CEP192: variants seen among roughly 807,000 people sequenced by gnomAD.
The protein encoded by CEP192 is centrosomal protein of 192 kDa.
CEP192 carries 151 observed loss-of-function variants against 271.8 expected under a neutral mutation model. That is an observed-to-expected ratio of 0.56 (90% CI 0.49 to 0.64). The LOEUF is 0.64. CEP192 is among the 30% of genes least tolerant of loss of function. The pLI, the probability that CEP192 is intolerant of heterozygous loss-of-function variation, is 0.00. For synonymous variants in CEP192, 995 were observed against 1,076.5 expected (o/e 0.92, Z 1.48); for missense variants, 2,910 against 3,020.5 (o/e 0.96, Z 0.86).
intron 36 of CEP192, among the ~76,000 whole-genome samples, chr18:13,097,717 C>T (rs1021049074): frequency 1.4e-5 from 2 of 143,248 alleles, no homozygotes; most frequent in African/African-American, 5.2e-5. Context: ...GGTCATAGGA[C>T]AATAGTGGAG....
At chr18:13,062,519 C>G (rs2037461821) in intron 21 of CEP192, among the ~76,000 whole-genome samples, 1 of 129,308 alleles carries the variant, frequency 7.7e-6, no homozygotes, top group East Asian at 2.2e-4. Flanking sequence ...ACATTTGGTA[C>G]TGTTAGATTT....
intron 21 of CEP192, among the ~76,000 whole-genome samples, chr18:13,059,818 A>G (rs961893693): frequency 7.2e-5 from 11 of 152,278 alleles, no homozygotes; most frequent in Middle Eastern, 3.4e-3. Flanking sequence ...ATGTACCCCA[A>G]TACCTGAGTC....
At chr18:13,056,964 T>TC (rs1164087469) in intron 19 of CEP192, among the ~76,000 whole-genome samples, 1 of 152,174 alleles carries the variant, frequency 6.6e-6, no homozygotes, top group East Asian at 1.9e-4. Context: ...TGTGATTATT[T>TC]CCCCTAGGAA....
chr18:13,003,608 G>A (rs558036503), intron 3 of CEP192, among the ~76,000 whole-genome samples: 6 of 152,240 alleles, frequency 3.9e-5, no homozygotes, highest in African/African-American at 1.4e-4. Flanking sequence ...AGAGCACCAG[G>A]GAGGCTGGGG....
At chr18:12,993,060 A>G (rs538481466) in intron 1 of CEP192, among the ~76,000 whole-genome samples, 1 of 152,320 alleles carries the variant, frequency 6.6e-6, no homozygotes, top group South Asian at 2.1e-4. Flanking sequence ...GACTCGTGTG[A>G]TAGTTCAGAA....
In CEP192 at chr18:13,017,194, A is replaced by T. The variant is rs766430917; in HGVS notation, c.647A>T (p.Asp216Val). ...PTSLEDSSDD[D>V]IDDEMFYDDH... ...TTCTCGATTTTATCAATAGATGATGATATTGATGATGAAATGTTTTATGAT... is the reference window on the plus strand; with the variant it reads ...TTCTCGATTTTATCAATAGATGATGTTATTGATGATGAAATGTTTTATGAT... The change falls in exon 7 of 45, where the codon GAT (aspartate) becomes GTT (valine). Residue 216 changes from aspartate to valine, a missense_variant. By Grantham distance (152) the Asp-to-Val change is radical. Coordinates refer to ENST00000506447, the MANE Select transcript of CEP192 (RefSeq NM_032142.4). The T allele has an allele frequency of 6.5e-7, 1 of 1,541,332 alleles. No homozygotes were observed. The highest frequency in any genetic ancestry group is 8.7e-7 in the Non-Finnish European group (1 of 1,143,276).
In CEP192 at chr18:13,068,111, C is replaced by T. The variant is rs1598499728; in HGVS notation, c.4632C>T (p.Arg1544=). The T allele has an allele frequency of 1.2e-6, 2 of 1,614,224 alleles. No homozygotes were observed. Among genetic ancestry groups the T allele is most frequent in the East Asian group, 2.2e-5 (1 of 44,890 alleles). The part of the protein sequence containing the change: ...LIINANAVAW[R]CFTFSKESVR... Reference sequence around the variant, plus strand: ...CTAAACAGAACGCTGTAGCCTGGCGCTGTTTCACGTTTTCCAAGGAATCCG... The same window carrying T: ...CTAAACAGAACGCTGTAGCCTGGCGTTGTTTCACGTTTTCCAAGGAATCCG... Residue 1544 remains arginine, a synonymous_variant, in exon 23 of 45, where the codon CGC becomes CGT. Transcript: ENST00000506447.
intron 40 of CEP192, among the ~76,000 whole-genome samples, chr18:13,110,641 A>C (rs1313259218): frequency 6.6e-6 from 1 of 152,196 alleles, no homozygotes. Flanking sequence ...CATTATTAAC[A>C]AGGCAAAGTC....
At chr18:13,096,382 T>A in intron 36 of CEP192, 75 bp downstream of exon 36, 1 of 1,563,360 alleles carries the variant, frequency 6.4e-7, no homozygotes, top group East Asian at 2.3e-5. Context: ...TCAAATAATA[T>A]GTCATTGTAG....
In CEP192 at chr18:13,116,430, T is replaced by G; in HGVS notation, c.7343T>G (p.Phe2448Cys). The change falls in exon 43 of 45, where the codon TTC becomes TGC. Residue 2448 changes from phenylalanine to cysteine, a missense_variant. Physicochemically the swap from Phe to Cys is radical, Grantham distance 205. Transcript: ENST00000506447. Reference sequence around the variant, plus strand: ...TATGCCCCAGAGGATGTGTACAGGTTCCGGCCGACTAGTGTGGGGGAATCA... The same window carrying G: ...TATGCCCCAGAGGATGTGTACAGGTGCCGGCCGACTAGTGTGGGGGAATCA... Reference protein sequence around the residue: ...GVYAPEDVYRFRPTSVGESRT... With the variant: ...GVYAPEDVYRCRPTSVGESRT... The G allele has an allele frequency of 6.2e-7, 1 of 1,612,956 alleles. No homozygotes were observed. The highest frequency in any genetic ancestry group is 8.5e-7 in the Non-Finnish European group (1 of 1,179,632).
chr18:13,089,079 CATAGTT>C (rs1398040063), intron 32 of CEP192, among the ~76,000 whole-genome samples: 1 of 152,118 alleles, frequency 6.6e-6, no homozygotes, highest in East Asian at 1.9e-4. Flanking sequence ...GCCAGATAAA[CATAGTT>C]ATATGGTAAT....
At position 13,029,989 on chromosome 18, in the gene CEP192, A is replaced by C. The variant is rs762414067; in HGVS notation, c.1377A>C (p.Glu459Asp). Residue 459 changes from glutamate to aspartate, a missense_variant, in exon 10 of 45, where the codon GAA becomes GAC. Transcript: ENST00000506447. Reference sequence around the variant, plus strand: ...CATGTGAATGTCACGAGTCCATCGAAAAGAATAAAGACAGTAAGTGGACTT... The same window carrying C: ...CATGTGAATGTCACGAGTCCATCGACAAGAATAAAGACAGTAAGTGGACTT... ...RRTCECHESI[E>D]KNKDKTDLPQ... 29 of 1,548,772 alleles carry C rather than the reference A, an allele frequency of 1.9e-5. No individual in the cohort carries two copies. The highest frequency in any genetic ancestry group is 2.3e-5 in the Non-Finnish European group (26 of 1,144,718).
intron 30 of CEP192, 82 bp from the exon 31 acceptor site, chr18:13,086,935 C>T: frequency 1.0e-6 from 1 of 977,116 alleles, no homozygotes; most frequent in East Asian, 2.5e-5. Context: ...TTAAATCTTT[C>T]TGAATTTTCT....
At chr18:13,077,449 C>G (rs1004169257) in intron 30 of CEP192, among the ~76,000 whole-genome samples, 8 of 152,280 alleles carry the variant, frequency 5.3e-5, no homozygotes, top group African/African-American at 9.6e-5. Context: ...ATAAGGGATA[C>G]TCAACATGTA....
rs755894964 is a variant in CEP192 at position 13,056,178 on chromosome 18, T to C, written c.3588T>C (p.Asp1196=). The change falls in exon 19 of 45, where the codon GAT becomes GAC. Residue 1196 remains aspartate, a synonymous_variant. Coordinates refer to ENST00000506447, the MANE Select transcript of CEP192 (RefSeq NM_032142.4). ...CCTGCCAGGAGCCTATAGATGAAGATCAAAGAATAAGTCCTAAAGATAAGT... is the reference window on the plus strand; with the variant it reads ...CCTGCCAGGAGCCTATAGATGAAGACCAAAGAATAAGTCCTAAAGATAAGT... The part of the protein sequence containing the change: ...PVSCQEPIDE[D]QRISPKDKST... 6.2e-7 allele frequency: 1 copy of C among 1,613,964 alleles called. No homozygotes were observed. The highest frequency in any genetic ancestry group is 1.1e-5 in the South Asian group (1 of 91,044).
At chr18:13,110,445 T>A (rs1431417382) in intron 40 of CEP192, among the ~76,000 whole-genome samples, 3 of 149,952 alleles carry the variant, frequency 2.0e-5, no homozygotes, top group Admixed American at 6.6e-5. Context: ...TTTTTTTTTT[T>A]AATAAGGGCA....
At chr18:13,004,667 A>G (rs2033869236) in intron 3 of CEP192, among the ~76,000 whole-genome samples, 2 of 152,132 alleles carry the variant, frequency 1.3e-5, no homozygotes, top group Non-Finnish European at 2.9e-5. Context: ...AAAAGGATGT[A>G]AAATTATCAC....
chr18:13,100,755 C>T (rs1172716266), intron 38 of CEP192, among the ~76,000 whole-genome samples: 1 of 152,150 alleles, frequency 6.6e-6, no homozygotes, highest in Non-Finnish European at 1.5e-5. Flanking sequence ...TGGTCAGAAC[C>T]TTTCCTGTGC....
At position 13,042,247 on chromosome 18, in the gene CEP192, A is replaced by T. The variant is rs1391891864; in HGVS notation, c.1980A>T (p.Ser660=). ...CCCAGGCACAGCTAAGTGAAGGATC[A>T]ATTACACTTCAGGTTGAAGCAGTAG... ...EQSQAQLSEG[S]ITLQVEAVES... is the part of the protein sequence containing the mutation. Residue 660 remains serine (S), a synonymous_variant, in exon 15 of 45, where the codon TCA becomes TCT. Coordinates refer to ENST00000506447, the MANE Select transcript of CEP192 (RefSeq NM_032142.4). 1.4e-5 allele frequency: 22 copies of T among 1,612,996 alleles called. No individual in the cohort carries two copies. The highest frequency in any genetic ancestry group is 1.8e-5 in the Non-Finnish European group (21 of 1,178,900).
Sources: allele counts gnomAD v4.1 joint callset (sites outside exome capture counted in the v4.1 genomes callset), GRCh38; gene constraint gnomAD v4.1.1; transcripts MANE v1.5; gene names NCBI Gene and HGNC (gene_info 2026-07-23, HGNC 2026-07-21).